CAMK2A: variants seen among roughly 807,000 people sequenced by gnomAD.
CAMK2A encodes calcium/calmodulin dependent protein kinase II alpha, also known as calcium/calmodulin-dependent protein kinase type II subunit alpha.
CAMK2A carries 7 observed loss-of-function variants against 79.2 expected under a neutral mutation model. The observed-to-expected ratio is 0.09, with a 90% CI of 0.05 to 0.17. CAMK2A has a LOEUF of 0.17. CAMK2A is among the 10% of genes least tolerant of loss of function. The pLI is 1.00. For missense variants in CAMK2A, 214 were observed against 646.4 expected (o/e 0.33, Z 7.25); for synonymous variants, 242 against 251.7 (o/e 0.96, Z 0.36).
At chr5:150,271,943 C>T (rs1273534911) in intron 2 of CAMK2A, among the ~76,000 whole-genome samples, 2 of 152,190 alleles carry the variant, frequency 1.3e-5, no homozygotes, top group African/African-American at 4.8e-5. Context: ...ATGTCGCTGG[C>T]CCAGGACCAC....
Position 150,221,593 on chromosome 5 carries a change from C to A in CAMK2A, c.*1117G>T. The A allele has an allele frequency of 2.5e-6, 1 of 398,690 alleles. No individual in the cohort carries two copies. Among genetic ancestry groups the A allele is most frequent in the Non-Finnish European group, 4.4e-6 (1 of 226,052 alleles). 24.7% of individuals were successfully genotyped at this position (398,690 alleles called of 1,614,324 possible). On this transcript the variant is annotated 3_prime_UTR_variant, in exon 19 of 19. Transcript: ENST00000671881. ...TCCTCTCTGCCCTGACTTGCTGTTC[C>A]TGAGTCAGTGCTGGCATCTGATGCT...
Position 150,238,746 on chromosome 5 carries a change from T to C in CAMK2A, c.1020A>G (p.Glu340=). 3.7e-6 allele frequency: 6 copies of C among 1,605,712 alleles called. No individual in the cohort carries two copies. In the South Asian group the frequency reaches 5.6e-5, roughly 15 times the overall value. The change falls in exon 15 of 19, where the codon GAA becomes GAG. Residue 340 remains glutamate (E), a splice_region_variant and synonymous_variant. Transcript: ENST00000671881. ...RKSSSSVQLM[E]SSESTNTTIE... ...TGGTGGTGTTGGTGCTCTCTGAGGA[T>C]TCCTGCCAAAGAGAATACAGGAGAT... is the stretch of plus-strand genomic sequence containing the variant.
At chr5:150,254,203 T>C (rs1220930072) in intron 6 of CAMK2A, among the ~76,000 whole-genome samples, 1 of 152,192 alleles carries the variant, frequency 6.6e-6, no homozygotes, top group Non-Finnish European at 1.5e-5. Flanking sequence ...TTTGCTCCTG[T>C]TGTTACCTTC....
rs1246420939 is a variant in CAMK2A at position 150,256,074 on chromosome 5, C to G, written c.411+499G>C. Among the ~76,000 whole-genome samples the G allele has an allele frequency of 6.6e-6, 1 of 152,182 alleles. No homozygotes were observed. Among genetic ancestry groups the G allele is most frequent in the African/African-American group, 2.4e-5 (1 of 41,438 alleles). On this transcript the variant is annotated intron_variant, in intron 6 of 18. Transcript: ENST00000671881. The surrounding 1 kb of genome is among the most constrained non-coding windows in gnomAD (Gnocchi z 4.6). Reference sequence around the variant, plus strand: ...GGCCTAGAGTCTGGTTTTTCTTCTCCCCTGGCCTGCCAGAGATGCAGGAAC... The same window carrying G: ...GGCCTAGAGTCTGGTTTTTCTTCTCGCCTGGCCTGCCAGAGATGCAGGAAC...
Position 150,226,669 on chromosome 5 carries a change from G to A in CAMK2A, c.1237+1523C>T, listed in dbSNP as rs574588480. ...GGAGAATTGCTTGAACCCAGGAGGC[G>A]GAGGTTGCAGTGAGCCAAGATCGTG... On this transcript the variant is annotated intron_variant, in intron 17 of 18. Transcript: ENST00000671881. Among the ~76,000 whole-genome samples the A allele has an allele frequency of 2.8e-3, 402 of 141,552 alleles. 3 individuals are homozygous for A. The highest frequency in any genetic ancestry group is 4.7e-3 in the Non-Finnish European group (305 of 65,144). 92.9% of individuals were successfully genotyped at this position (141,552 alleles called of 152,430 possible). A position where few individuals can be genotyped will look rare whatever the true frequency, so the allele number is the denominator to read the frequency against.
At chr5:150,286,244 A>G (rs1757421888) in intron 1 of CAMK2A, among the ~76,000 whole-genome samples, 1 of 152,174 alleles carries the variant, frequency 6.6e-6, no homozygotes, top group Non-Finnish European at 1.5e-5. Context: ...CTTCTAGGAG[A>G]CCGGAATCAA....
rs1050956944 is a variant in CAMK2A, at chr5:150,256,037, G to A, written c.411+536C>T. ...GCAATCTCCTTCAGGTAAAAGAAAG[G>A]AGAACTGCACGGGCCTAGAGTCTGG... is the stretch of plus-strand genomic sequence containing the variant. On this transcript the variant is annotated intron_variant, in intron 6 of 18. Transcript: ENST00000671881. This position sits in a 1 kb window ranked among gnomAD's most constrained non-coding sequence, Gnocchi z 4.6. Among the ~76,000 whole-genome samples the A allele has an allele frequency of 1.3e-5, 2 of 152,198 alleles. No homozygotes were observed. The highest frequency in any genetic ancestry group is 4.1e-4 in the South Asian group (2 of 4,830).
rs542492344 is a variant in CAMK2A, at chr5:150,239,342, C to T, written c.1017+362G>A. Among the ~76,000 whole-genome samples, 5 of 152,226 alleles carry T rather than the reference C, an allele frequency of 3.3e-5. No homozygotes were observed. The South Asian group carries it at 8.3e-4, about 25-fold the overall frequency. ...CACCTACTACTTTGGCCAAACCAAGCCCCACCCTCGCCGCGATTGGCACAA... is the reference window on the plus strand; with the variant it reads ...CACCTACTACTTTGGCCAAACCAAGTCCCACCCTCGCCGCGATTGGCACAA... On this transcript the variant is annotated intron_variant, in intron 14 of 18. Transcript: ENST00000671881.
At chr5:150,274,708 T>C (rs770968383) in intron 1 of CAMK2A, among the ~76,000 whole-genome samples, 11 of 152,216 alleles carry the variant, frequency 7.2e-5, no homozygotes, top group Non-Finnish European at 1.6e-4. Context: ...AGCTCCAGTA[T>C]AGTTCAGTGT....
rs1428385048 is a variant in CAMK2A, at chr5:150,289,737, A to G, written c.-112T>C. On this transcript the variant is annotated 5_prime_UTR_variant, in exon 1 of 19. Transcript: ENST00000671881. Reference sequence around the variant, plus strand: ...TGCCTGCCCGTGCTGCCGAGTGCAAACAGAGAACCGGTTTGACTGACGAGC... The same window carrying G: ...TGCCTGCCCGTGCTGCCGAGTGCAAGCAGAGAACCGGTTTGACTGACGAGC... 1.1e-5 allele frequency: 9 copies of G among 803,168 alleles called. No individual in the cohort carries two copies. Among genetic ancestry groups the G allele is most frequent in the Middle Eastern group, 3.4e-4 (1 of 2,976 alleles). 49.8% of individuals were successfully genotyped at this position (803,168 alleles called of 1,614,324 possible). A position where few individuals can be genotyped will look rare whatever the true frequency, so the allele number is the denominator to read the frequency against.
At position 150,264,950 on chromosome 5, in the gene CAMK2A, G is replaced by A. The variant is rs1756449482; in HGVS notation, c.217+6C>T. On this transcript the variant is annotated splice_donor_region_variant and intron_variant, in intron 3 of 18. Transcript: ENST00000671881. ...CCCTGCGCCCCTCTCATCCCACAAG[G>A]CTCACCGATGTTGGGGTGCTTCAGC... is the stretch of plus-strand genomic sequence containing the variant. The A allele has an allele frequency of 1.9e-6, 3 of 1,612,874 alleles. 1 individual carries two copies. The South Asian group carries it at 3.3e-5, about 18-fold the overall frequency.
chr5:150,274,546 G>T (rs1756874852), intron 1 of CAMK2A, among the ~76,000 whole-genome samples: 1 of 152,102 alleles, frequency 6.6e-6, no homozygotes, highest in South Asian at 2.1e-4. Context: ...CTCCTAAAGG[G>T]CCCGATACTG....
chr5:150,248,983 C>A (rs1387254830), intron 11 of CAMK2A, among the ~76,000 whole-genome samples: 1 of 152,190 alleles, frequency 6.6e-6, no homozygotes, highest in Non-Finnish European at 1.5e-5. Flanking sequence ...TGTTAAGAAT[C>A]CCTGATTCTG....
chr5:150,261,164 G>A (rs1756289219), intron 3 of CAMK2A, among the ~76,000 whole-genome samples: 1 of 113,068 alleles, frequency 8.8e-6, no homozygotes, highest in Non-Finnish European at 2.0e-5. Flanking sequence ...GTGACTTTGT[G>A]TTGATGGTAA....
intron 17 of CAMK2A, among the ~76,000 whole-genome samples, chr5:150,226,502 C>T (rs1229434654): frequency 3.3e-5 from 5 of 151,866 alleles, no homozygotes; most frequent in African/African-American, 2.4e-5. Flanking sequence ...TTTGGGAGGC[C>T]GAGGCAGGCA....
intron 1 of CAMK2A, among the ~76,000 whole-genome samples, chr5:150,280,249 C>T (rs753818807): frequency 4.5e-4 from 69 of 152,126 alleles, no homozygotes; most frequent in Non-Finnish European, 7.1e-4. Flanking sequence ...TTTTATCTAT[C>T]GTGGCCTTCT....
rs374571436 is a variant in CAMK2A at position 150,223,226 on chromosome 5, G to A, written c.1238-9C>T. 108 of 1,608,368 alleles carry A rather than the reference G, an allele frequency of 6.7e-5. No individual in the cohort carries two copies. Among genetic ancestry groups the A allele is most frequent in the Non-Finnish European group, 8.7e-5 (102 of 1,176,264 alleles). On this transcript the variant is annotated splice_polypyrimidine_tract_variant and intron_variant, in intron 17 of 18. Coordinates refer to ENST00000671881, the MANE Select transcript of CAMK2A (RefSeq NM_015981.4). The surrounding 1 kb of genome is among the most constrained non-coding windows in gnomAD (Gnocchi z 4.1). ...GCTGTTCCGGGACCACACTGGAGGA[G>A]GGGATGGGAGGGGCAGAGGAGATGC...
At chr5:150,253,204 G>C (rs763908422) in intron 7 of CAMK2A, among the ~76,000 whole-genome samples, 1 of 152,198 alleles carries the variant, frequency 6.6e-6, no homozygotes, top group African/African-American at 2.4e-5. Context: ...GGAAAGGAGA[G>C]AGGGGGCCCC....
intron 2 of CAMK2A, among the ~76,000 whole-genome samples, chr5:150,266,026 T>C (rs1756499074): frequency 1.3e-5 from 2 of 152,190 alleles, no homozygotes; most frequent in African/African-American, 4.8e-5. Context: ...GGAGTGGCTA[T>C]TCTTCCAGAG....
Sources: gnomAD v4.1 joint callset for allele counts (sites outside exome capture counted in the v4.1 genomes callset) on GRCh38, gnomAD v4.1.1 for gene constraint, Gnocchi (gnomAD v3.1) non-coding constraint, MANE v1.5 for transcripts, NCBI Gene and HGNC (gene_info 2026-07-23, HGNC 2026-07-21) for gene names.